The following MACROD2 variants were observed in gnomAD, a reference collection of about 807,000 sequenced individuals.
MACROD2 encodes the protein mono-ADP ribosylhydrolase 2, also known as ADP-ribose glycohydrolase MACROD2.
MACROD2 carries 36 observed loss-of-function variants against 70.4 expected under a neutral mutation model. The observed-to-expected ratio is 0.51, with a 90% CI of 0.39 to 0.68. The LOEUF is 0.68. Among genes scored for constraint, MACROD2 ranks in the 30% least tolerant of loss-of-function variants. The pLI, the probability that MACROD2 is intolerant of heterozygous loss-of-function variation, is 0.00. For synonymous variants in MACROD2, 172 were observed against 178.8 expected (o/e 0.96, Z 0.30); for missense variants, 496 against 538.4 (o/e 0.92, Z 0.78).
intron 6 of MACROD2, among the ~76,000 whole-genome samples, chr20:15,401,388 T>C (rs1006354243): frequency 2.0e-5 from 3 of 152,176 alleles, no homozygotes; most frequent in African/African-American, 7.2e-5. Context: ...AGCAACTATC[T>C]TTCACGGGGG....
chr20:14,106,667 A>C (rs932914912), intron 3 of MACROD2, among the ~76,000 whole-genome samples: 2 of 152,166 alleles, frequency 1.3e-5, no homozygotes, highest in Non-Finnish European at 1.5e-5. Context: ...GCATTGTCCC[A>C]GTGGTGGTGG....
intron 7 of MACROD2, among the ~76,000 whole-genome samples, chr20:15,442,392 A>T: frequency 6.6e-6 from 1 of 152,144 alleles, no homozygotes. Flanking sequence ...AACAGGAAGC[A>T]TTCTGCTTGT....
chr20:15,657,937 G>C (rs2049755998), intron 8 of MACROD2, among the ~76,000 whole-genome samples: 2 of 152,286 alleles, frequency 1.3e-5, no homozygotes, highest in Admixed American at 1.3e-4. Context: ...ATGTTACCGT[G>C]AGCCGAGACT....
intron 7 of MACROD2, among the ~76,000 whole-genome samples, chr20:15,447,558 C>G (rs1177771338): frequency 6.6e-6 from 1 of 152,186 alleles, no homozygotes; most frequent in Non-Finnish European, 1.5e-5. Flanking sequence ...GGCCACTTCT[C>G]CAGCTCCCAT....
chr20:14,826,130 GA>G (rs1474337501), intron 5 of MACROD2, among the ~76,000 whole-genome samples: 1 of 151,888 alleles, frequency 6.6e-6, no homozygotes, highest in African/African-American at 2.4e-5. Flanking sequence ...GAACTTGATA[GA>G]AGGAGAAATT....
At chr20:14,730,256 A>G (rs1445287724) in intron 5 of MACROD2, among the ~76,000 whole-genome samples, 1 of 152,164 alleles carries the variant, frequency 6.6e-6, no homozygotes, top group Non-Finnish European at 1.5e-5. Flanking sequence ...TTAATGAAAG[A>G]CATAAATCTT....
intron 6 of MACROD2, among the ~76,000 whole-genome samples, chr20:15,425,410 A>G (rs940144280): frequency 6.6e-6 from 1 of 152,236 alleles, no homozygotes; most frequent in African/African-American, 2.4e-5. Context: ...TGGTCCACAA[A>G]GTAACACAAA....
intron 5 of MACROD2, among the ~76,000 whole-genome samples, chr20:14,701,939 C>A (rs1387545803): frequency 6.6e-6 from 1 of 152,092 alleles, no homozygotes; most frequent in Non-Finnish European, 1.5e-5. Flanking sequence ...AGAGGTTAAA[C>A]AACTTTCCTA....
chr20:16,019,715 C>T (rs983276053), intron 15 of MACROD2, among the ~76,000 whole-genome samples: 1 of 152,174 alleles, frequency 6.6e-6, no homozygotes, highest in Non-Finnish European at 1.5e-5. Context: ...TTCTTAGGCC[C>T]ACCACAAACT....
intron 3 of MACROD2, among the ~76,000 whole-genome samples, chr20:14,198,345 G>A (rs2081450760): frequency 6.6e-6 from 1 of 152,130 alleles, no homozygotes; most frequent in African/African-American, 2.4e-5. Context: ...ATGTGAGATG[G>A]ATTACATGAC....
At chr20:15,095,322 AC>A (rs1034910282) in intron 5 of MACROD2, among the ~76,000 whole-genome samples, 2 of 151,386 alleles carry the variant, frequency 1.3e-5, no homozygotes, top group Non-Finnish European at 1.5e-5. Context: ...TGATCCACCC[AC>A]TTCGGCCTCC....
intron 8 of MACROD2, among the ~76,000 whole-genome samples, chr20:15,602,361 C>G (rs1269105836): frequency 6.6e-6 from 1 of 152,180 alleles, no homozygotes; most frequent in Non-Finnish European, 1.5e-5. Context: ...AGTTCTGTCT[C>G]CTTTGAGACT....
chr20:14,625,015 C>A (rs1221979875), intron 4 of MACROD2, among the ~76,000 whole-genome samples: 1 of 152,030 alleles, frequency 6.6e-6, no homozygotes, highest in Non-Finnish European at 1.5e-5. Flanking sequence ...GCTTGGCCGG[C>A]TGGTGAGGGA....
intron 3 of MACROD2, among the ~76,000 whole-genome samples, chr20:14,155,073 T>A (rs1278955814): frequency 1.3e-5 from 2 of 152,176 alleles, no homozygotes; most frequent in Non-Finnish European, 2.9e-5. Context: ...TAATTTGAGT[T>A]AGAGTAAGAG....
At chr20:14,909,702 A>G (rs2074002866) in intron 5 of MACROD2, among the ~76,000 whole-genome samples, 1 of 152,090 alleles carries the variant, frequency 6.6e-6, no homozygotes, top group South Asian at 2.1e-4. Flanking sequence ...TGAATGACCC[A>G]TTTTGATTCT....
At chr20:14,636,369 T>A (rs1020502795) in intron 4 of MACROD2, 1 of 152,224 alleles carries the variant, frequency 6.6e-6, no homozygotes, top group African/African-American at 2.4e-5. Context: ...CTCTCCTCTG[T>A]CTTCCTCCTG....
chr20:15,242,650 T>C (rs2077069691), intron 6 of MACROD2, among the ~76,000 whole-genome samples: 2 of 152,310 alleles, frequency 1.3e-5, no homozygotes, highest in South Asian at 2.1e-4. Flanking sequence ...TAAGAAAACA[T>C]TTATTTAGTT....
At chr20:14,073,142 C>A (rs1275920515) in intron 2 of MACROD2, among the ~76,000 whole-genome samples, 1 of 152,050 alleles carries the variant, frequency 6.6e-6, no homozygotes, top group Non-Finnish European at 1.5e-5. Flanking sequence ...TCGAGACCAG[C>A]ATGACTAACA....
At chr20:14,000,914 T>C (rs1482758524) in intron 1 of MACROD2, among the ~76,000 whole-genome samples, 1 of 152,230 alleles carries the variant, frequency 6.6e-6, no homozygotes, top group Non-Finnish European at 1.5e-5. Context: ...TGGCCATTCC[T>C]CTTCTCATAC....
Sources: allele counts gnomAD v4.1 joint callset (sites outside exome capture counted in the v4.1 genomes callset), GRCh38; gene constraint gnomAD v4.1.1; transcripts MANE v1.5; gene names NCBI Gene and HGNC (gene_info 2026-07-23, HGNC 2026-07-21).